The following ANKRD44 variants were observed in gnomAD, a reference collection of about 807,000 sequenced individuals.
ANKRD44 encodes serine/threonine-protein phosphatase 6 regulatory ankyrin repeat subunit B.
A neutral mutation model predicts 116.0 loss-of-function variants in ANKRD44; 35 were observed. That is an observed-to-expected ratio of 0.30 (90% CI 0.23 to 0.40). ANKRD44 has a LOEUF of 0.40. Among genes scored for constraint, ANKRD44 ranks in the 10% least tolerant of loss-of-function variants. ANKRD44 has a pLI of 1.00. For synonymous variants in ANKRD44, 435 were observed against 461.8 expected (o/e 0.94, Z 0.74); for missense variants, 1,014 against 1,242.6 (o/e 0.82, Z 2.77).
At chr2:197,218,241 T>G (rs2081496246) in intron 1 of ANKRD44, among the ~76,000 whole-genome samples, 1 of 152,150 alleles carries the variant, frequency 6.6e-6, no homozygotes, top group South Asian at 2.1e-4. Context: ...CTACTGAGAT[T>G]ATTCTTCTCC....
intron 1 of ANKRD44, among the ~76,000 whole-genome samples, chr2:197,194,880 G>A (rs571192575): frequency 6.6e-6 from 1 of 152,308 alleles, no homozygotes; most frequent in South Asian, 2.1e-4. Context: ...AGATGAAGAA[G>A]GTAGGCACTA....
intron 1 of ANKRD44, among the ~76,000 whole-genome samples, chr2:197,298,663 C>T (rs2083797686): frequency 6.6e-6 from 1 of 152,174 alleles, no homozygotes; most frequent in Non-Finnish European, 1.5e-5. Flanking sequence ...TGGCTCATGC[C>T]TGTAATCTCA....
chr2:197,228,943 CA>C (rs2081788756), intron 1 of ANKRD44, among the ~76,000 whole-genome samples: 12 of 152,104 alleles, frequency 7.9e-5, no homozygotes, highest in Admixed American at 7.9e-4. Context: ...GCTGAGGCAG[CA>C]GAATCACTTG....
chr2:197,044,895 C>T (rs1304509461), intron 16 of ANKRD44, among the ~76,000 whole-genome samples: 4 of 151,926 alleles, frequency 2.6e-5, no homozygotes, highest in African/African-American at 7.3e-5. Flanking sequence ...GCTTAATTTC[C>T]GCATTTATTC....
intron 1 of ANKRD44, among the ~76,000 whole-genome samples, chr2:197,193,919 A>G (rs916752955): frequency 1.3e-5 from 2 of 152,136 alleles, no homozygotes; most frequent in African/African-American, 4.8e-5. Flanking sequence ...AATAAAAAAT[A>G]ACACAACATA....
intron 21 of ANKRD44, among the ~76,000 whole-genome samples, chr2:196,979,695 T>C (rs1293141182): frequency 6.6e-6 from 1 of 151,318 alleles, no homozygotes; most frequent in Non-Finnish European, 1.5e-5. Context: ...CCCGAGTAGC[T>C]GGGATTACAG....
chr2:197,074,176 T>C (rs111432934), intron 16 of ANKRD44, among the ~76,000 whole-genome samples: 3,336 of 152,304 alleles, frequency 0.022, 54 homozygotes, highest in Middle Eastern at 0.054. Context: ...TATGTTTCTC[T>C]CCAACTGAAT....
At chr2:197,172,719 C>T (rs1460904021) in intron 2 of ANKRD44, among the ~76,000 whole-genome samples, 1 of 152,142 alleles carries the variant, frequency 6.6e-6, no homozygotes, top group Non-Finnish European at 1.5e-5. Context: ...TGCCCACGAC[C>T]ACACCCAGCT....
chr2:197,286,575 G>A (rs1030931805), intron 1 of ANKRD44, among the ~76,000 whole-genome samples: 1 of 151,598 alleles, frequency 6.6e-6, no homozygotes, highest in East Asian at 1.9e-4. Flanking sequence ...TGGGGGTCTC[G>A]CTATGTTGTC....
intron 16 of ANKRD44, among the ~76,000 whole-genome samples, chr2:197,068,395 A>ATG (rs1559036609): frequency 3.6e-5 from 1 of 27,944 alleles, no homozygotes. Flanking sequence ...AATAAAAAAA[A>ATG]AATAAAAATA....
At chr2:197,206,820 A>G (rs2125681479) in intron 1 of ANKRD44, among the ~76,000 whole-genome samples, 1 of 152,350 alleles carries the variant, frequency 6.6e-6, no homozygotes, top group South Asian at 2.1e-4. Flanking sequence ...ATTGTCAAAG[A>G]GTCATTAAGC....
chr2:197,221,106 C>T (rs543380960), intron 1 of ANKRD44, among the ~76,000 whole-genome samples: 1 of 152,118 alleles, frequency 6.6e-6, no homozygotes, highest in South Asian at 2.1e-4. Flanking sequence ...CAAAAACTAG[C>T]CAAGTGTGGT....
At chr2:197,065,675 T>G (rs2077416537) in intron 16 of ANKRD44, among the ~76,000 whole-genome samples, 1 of 152,174 alleles carries the variant, frequency 6.6e-6, no homozygotes, top group African/African-American at 2.4e-5. Flanking sequence ...TAAACACCTC[T>G]ACGCAAATAA....
At chr2:197,274,973 G>A (rs1260569866) in intron 1 of ANKRD44, among the ~76,000 whole-genome samples, 2 of 152,054 alleles carry the variant, frequency 1.3e-5, no homozygotes, top group Non-Finnish European at 2.9e-5. Flanking sequence ...GTGGTGGCAT[G>A]CACCTGTAGT....
chr2:196,998,786 G>C (rs2076060666), intron 24 of ANKRD44, 121 bp downstream of exon 24: 1 of 1,389,592 alleles, frequency 7.2e-7, no homozygotes, highest in Admixed American at 2.5e-5. Context: ...GGTGACTTAA[G>C]TAAAACTGCT....
intron 21 of ANKRD44, among the ~76,000 whole-genome samples, chr2:196,972,425 C>T (rs1344803890): frequency 6.6e-6 from 1 of 152,188 alleles, no homozygotes; most frequent in African/African-American, 2.4e-5. Flanking sequence ...TGGTCTCGAA[C>T]TCCTGGCCTC....
chr2:197,107,890 C>T (rs963580983), intron 9 of ANKRD44, among the ~76,000 whole-genome samples: 1 of 152,200 alleles, frequency 6.6e-6, no homozygotes, highest in Non-Finnish European at 1.5e-5. Context: ...AAAGAACTTC[C>T]TTTTCTTCTC....
In ANKRD44 at chr2:197,191,819, A is replaced by C. The variant is rs114089853; in HGVS notation, c.28-4713T>G. Among the ~76,000 whole-genome samples, 788 of 152,270 alleles carry C rather than the reference A, an allele frequency of 5.2e-3. 7 individuals carry two copies. The highest frequency in any genetic ancestry group is 0.018 in the African/African-American group (752 of 41,512). On this transcript the variant is annotated intron_variant, in intron 1 of 27. Coordinates refer to ENST00000282272, the MANE Select transcript of ANKRD44 (RefSeq NM_001195144.2). ...GCACATACTAAAACAAACAAACAAAAAAACACCAAACACAAAAAATTCCTA... is the reference window on the plus strand; with the variant it reads ...GCACATACTAAAACAAACAAACAAACAAACACCAAACACAAAAAATTCCTA...
At chr2:197,272,066 C>A (rs991151930) in intron 1 of ANKRD44, among the ~76,000 whole-genome samples, 5 of 152,190 alleles carry the variant, frequency 3.3e-5, no homozygotes, top group African/African-American at 1.2e-4. Flanking sequence ...AGAGAGCTGG[C>A]TAGCTCCTTC....
Sources: gnomAD v4.1 joint callset for allele counts (sites outside exome capture counted in the v4.1 genomes callset) on GRCh38, gnomAD v4.1.1 for gene constraint, MANE v1.5 for transcripts, NCBI Gene and HGNC (gene_info 2026-07-23, HGNC 2026-07-21) for gene names.